Variants in SECISBP2L observed in about 807,000 individuals in gnomAD.
SECISBP2L encodes the protein selenocysteine insertion sequence-binding protein 2-like.
In SECISBP2L, 43 loss-of-function variants were observed where a neutral mutation model predicts 114.7. The observed-to-expected ratio is 0.38, with a 90% CI of 0.29 to 0.48. The LOEUF (loss-of-function observed/expected upper bound fraction) is 0.48, where lower values mean the gene tolerates loss of function less well. Among genes scored for constraint, SECISBP2L ranks in the 20% least tolerant of loss-of-function variants. The pLI, the probability that SECISBP2L is intolerant of heterozygous loss-of-function variation, is 0.98. For synonymous variants in SECISBP2L, 451 were observed against 439.7 expected (o/e 1.03, Z -0.32); for missense variants, 1,136 against 1,301.1 (o/e 0.87, Z 1.95).
At chr15:49,003,858 T>C (rs1355184286) in intron 14 of SECISBP2L, among the ~76,000 whole-genome samples, 2 of 152,238 alleles carry the variant, frequency 1.3e-5, no homozygotes, top group Admixed American at 1.3e-4. Context: ...TTATTGAGGA[T>C]TTCCGCATCG....
rs146435577 is a variant in SECISBP2L, at chr15:49,013,872, G to A, written c.1562-1055C>T. 4.6e-3 allele frequency among the ~76,000 whole-genome samples: 694 copies of A among 151,940 alleles called. 4 individuals are homozygous for A. The highest frequency in any genetic ancestry group is 7.5e-3 in the Non-Finnish European group (510 of 67,950). ...CTATTCCTATACCCTTGCATCTTTC[G>A]AGTTCCTCCCTGACCCTTGACTTTT... On this transcript the variant is annotated intron_variant, in intron 11 of 17. Coordinates refer to ENST00000559471, the MANE Select transcript of SECISBP2L (RefSeq NM_001193489.2).
In SECISBP2L at chr15:49,009,359, G is replaced by A. The variant is rs779697695; in HGVS notation, c.1884C>T (p.Pro628=). The change falls in exon 14 of 18, where the codon CCC becomes CCT. Residue 628 remains proline, a synonymous_variant. Transcript: ENST00000559471. ...TTGCTGGAGAGAGTGAAGTATCACT[G>A]GGCATGCTTAGTCCAGTATCTGTGG... ...VSQEDTGLSM[P]SDTSLSPASQ... 5.6e-6 allele frequency: 9 copies of A among 1,613,904 alleles called. No homozygotes were observed. Among genetic ancestry groups the A allele is most frequent in the Non-Finnish European group, 7.6e-6 (9 of 1,179,896 alleles).
Position 49,040,527 on chromosome 15 carries a change from C to CTTTTT in SECISBP2L, c.25-2763_25-2759dup, listed in dbSNP as rs66527715. Among the ~76,000 whole-genome samples the CTTTTT allele has an allele frequency of 3.4e-3, 215 of 63,190 alleles. 44 individuals are homozygous for CTTTTT. Among genetic ancestry groups the CTTTTT allele is most frequent in the African/African-American group, 5.7e-3 (92 of 16,156 alleles). 41.5% of individuals were successfully genotyped at this position (63,190 alleles called of 152,430 possible). The stretch of plus-strand genomic sequence containing the variant: ...AGGAGTGTTATGATCCCAAACTATT[C>CTTTTT]TTTTTTTTTTTTTTTTTTTTTTTTT... On this transcript the variant is annotated intron_variant, in intron 1 of 17. Transcript: ENST00000559471.
intron 3 of SECISBP2L, 36 bp downstream of exon 3, chr15:49,035,298 A>G: frequency 1.3e-6 from 2 of 1,576,020 alleles, no homozygotes; most frequent in East Asian, 2.3e-5. Flanking sequence ...TATAAGTAAT[A>G]TCAAATTTAA....
At chr15:48,995,252 T>C (rs547305795) in intron 17 of SECISBP2L, among the ~76,000 whole-genome samples, 1 of 152,342 alleles carries the variant, frequency 6.6e-6, no homozygotes, top group Non-Finnish European at 1.5e-5. Flanking sequence ...TCGTGCTCAT[T>C]TACAATGTTA....
At chr15:49,033,666 A>G (rs1203331265) in intron 3 of SECISBP2L, among the ~76,000 whole-genome samples, 1 of 152,076 alleles carries the variant, frequency 6.6e-6, no homozygotes, top group Non-Finnish European at 1.5e-5. Context: ...GAGACCCCCA[A>G]TCGCTACAAA....
At chr15:49,030,898 T>C (rs554639344) in intron 4 of SECISBP2L, among the ~76,000 whole-genome samples, 1 of 152,236 alleles carries the variant, frequency 6.6e-6, no homozygotes, top group Non-Finnish European at 1.5e-5. Flanking sequence ...AGAGGAAAAG[T>C]TCTTTTCCAG....
Position 48,990,419 on chromosome 15 carries a change from G to A in SECISBP2L, c.*1825C>T, listed in dbSNP as rs184119479. 1.3e-5 allele frequency: 2 copies of A among 152,426 alleles called. No homozygotes were observed. Among genetic ancestry groups the A allele is most frequent in the East Asian group, 3.9e-4 (2 of 5,184 alleles). The allele number at this position is 152,426 out of a possible 1,614,324, so 9.4% of individuals were successfully genotyped here. A position where few individuals can be genotyped will look rare whatever the true frequency, so the allele number is the denominator to read the frequency against. On this transcript the variant is annotated 3_prime_UTR_variant, in exon 18 of 18. Transcript: ENST00000559471. The stretch of plus-strand genomic sequence containing the variant: ...GTATAAATCCATGAGTACTATTTCA[G>A]AGGCTTCATTCCTTACCTGCTGTGT...
intron 13 of SECISBP2L, among the ~76,000 whole-genome samples, chr15:49,009,777 G>C (rs1462531673): frequency 3.3e-5 from 5 of 151,996 alleles, no homozygotes; most frequent in Non-Finnish European, 1.5e-5. Flanking sequence ...ACAGGGATGA[G>C]GAAGAATACA....
Position 49,037,582 on chromosome 15 carries a change from A to T in SECISBP2L, c.203+9T>A. On this transcript the variant is annotated intron_variant, in intron 2 of 17. Transcript: ENST00000559471. ...CCCACAAAAAAGAAAATAAAAATAAACAAATTACCTATTGGACTGGTTTTC... is the reference window on the plus strand; with the variant it reads ...CCCACAAAAAAGAAAATAAAAATAATCAAATTACCTATTGGACTGGTTTTC... The T allele has an allele frequency of 6.2e-7, 1 of 1,608,736 alleles. No individual in the cohort carries two copies.
Position 49,027,488 on chromosome 15 carries a change from A to T in SECISBP2L, c.920-8T>A, listed in dbSNP as rs748088984. ...TGGACCAATTTACACCACCTATAAC[A>T]AATGAAATTTTAAATTATAATTTAC... On this transcript the variant is annotated splice_region_variant and splice_polypyrimidine_tract_variant and intron_variant, in intron 6 of 17. Transcript: ENST00000559471. 1.3e-6 allele frequency: 2 copies of T among 1,493,208 alleles called. No homozygotes were observed. The highest frequency in any genetic ancestry group is 1.4e-5 in the South Asian group (1 of 73,330). 92.5% of individuals were successfully genotyped at this position (1,493,208 alleles called of 1,614,324 possible).
Position 49,046,329 on chromosome 15 carries a change from A to G in SECISBP2L, c.-30T>C. ...CCTGCAGCCGCAACGGGCCCGCGCT[A>G]GTCGGTGTAAACAGCGCCTCGGGCC... On this transcript the variant is annotated 5_prime_UTR_variant, in exon 1 of 18. An upstream open reading frame in the 5' UTR loses its in-frame stop. Transcript: ENST00000559471. 2.0e-6 allele frequency: 3 copies of G among 1,529,910 alleles called. No individual in the cohort carries two copies. Among genetic ancestry groups the G allele is most frequent in the Non-Finnish European group, 2.6e-6 (3 of 1,137,648 alleles). The allele number at this position is 1,529,910 out of a possible 1,614,324, so 94.8% of individuals were successfully genotyped here. A position where few individuals can be genotyped will look rare whatever the true frequency, so the allele number is the denominator to read the frequency against.
rs773776526 is a variant in SECISBP2L, at chr15:48,992,340, A to T, written c.3210T>A (p.Ala1070=). The T allele has an allele frequency of 1.1e-5, 17 of 1,614,062 alleles. No individual in the cohort carries two copies. The Admixed American group carries it at 2.8e-4, about 27-fold the overall frequency. Residue 1070 remains alanine, a synonymous_variant, in exon 18 of 18, where the codon GCT becomes GCA. Coordinates refer to ENST00000559471, the MANE Select transcript of SECISBP2L (RefSeq NM_001193489.2). ...GCTGCCCAGGACTGGCCTGCTGGTC[A>T]GCAGTCCATGCCTCACTGTCCATCC... ...EPGMDSEAWT[A]DQQASPGQQK... is the part of the protein sequence containing the mutation.
chr15:49,036,659 A>T (rs1903014775), intron 2 of SECISBP2L, among the ~76,000 whole-genome samples: 1 of 152,244 alleles, frequency 6.6e-6, no homozygotes, highest in Non-Finnish European at 1.5e-5. Flanking sequence ...ATTGAAAATG[A>T]TTCCTTAGTT....
intron 14 of SECISBP2L, among the ~76,000 whole-genome samples, chr15:49,006,778 T>A (rs1595784930): frequency 6.6e-6 from 1 of 152,274 alleles, no homozygotes; most frequent in East Asian, 1.9e-4. Context: ...TTACCCACCT[T>A]CTGAAGCCTA....
At chr15:49,027,607 A>ATTTTTTTTTTTTTTTTTTTT (rs561310621) in intron 6 of SECISBP2L, 127 bp from the exon 7 acceptor site, 1 of 319,958 alleles carries the variant, frequency 3.1e-6, no homozygotes. Context: ...TATAAACCTT[A>ATTTTTTTTTTTTTTTTTTTT]TTATTTTTTT....
chr15:49,001,323 G>A (rs1447372365), intron 14 of SECISBP2L, among the ~76,000 whole-genome samples: 3 of 152,004 alleles, frequency 2.0e-5, no homozygotes, highest in Admixed American at 2.0e-4. Flanking sequence ...ATTTTTTTAA[G>A]TATTCAACAA....
chr15:48,991,542 C>T lies in SECISBP2L; in HGVS notation c.*702G>A, dbSNP rs1901977893. ...GTAAGAAGCAAATATGAGACAGAAC[C>T]TGGAGGTCCTATCATGGGTGACTGT... On this transcript the variant is annotated 3_prime_UTR_variant, in exon 18 of 18. Transcript: ENST00000559471. 1 of 152,618 alleles carries T rather than the reference C, an allele frequency of 6.6e-6. No homozygotes were observed. 9.5% of individuals were successfully genotyped at this position (152,618 alleles called of 1,614,324 possible).
At position 49,016,832 on chromosome 15, in the gene SECISBP2L, A is replaced by C. The variant is rs1902546537; in HGVS notation, c.1419+16T>G. On this transcript the variant is annotated intron_variant, in intron 10 of 17. Transcript: ENST00000559471. ...CAAGTAAACTATCACATTTGTTCAT[A>C]AAAATGAATATGTACCTGTAATTTT... 1 of 1,606,340 alleles carries C rather than the reference A, an allele frequency of 6.2e-7. No individual in the cohort carries two copies. Among genetic ancestry groups the C allele is most frequent in the Non-Finnish European group, 8.5e-7 (1 of 1,176,914 alleles).
Sources: gnomAD v4.1 joint callset for allele counts (sites outside exome capture counted in the v4.1 genomes callset) on GRCh38, gnomAD v4.1.1 for gene constraint, MANE v1.5 for transcripts, NCBI Gene and HGNC (gene_info 2026-07-23, HGNC 2026-07-21) for gene names.